NLRP14: variants seen among roughly 807,000 people sequenced by gnomAD.
The protein encoded by NLRP14 is NLR family pyrin domain containing 14.
In NLRP14, 105 loss-of-function variants were observed where a neutral mutation model predicts 94.7. The observed-to-expected ratio is 1.11, with a 90% CI of 0.95 to 1.30. The LOEUF (loss-of-function observed/expected upper bound fraction) is 1.30. Ranked by LOEUF, NLRP14 falls within the 50% of genes most tolerant of loss-of-function variation. The probability of loss-of-function intolerance (pLI) is 0.00; values close to 1 mark genes in which losing one functional copy is unlikely to be tolerated. For synonymous variants in NLRP14, 508 were observed against 459.9 expected (o/e 1.10, Z -1.34); for missense variants, 1,362 against 1,254.1 (o/e 1.09, Z -1.30).
the NLRP14 span, chr11:7,090,519 C>T: frequency 1.6e-6 from 1 of 630,820 alleles, no homozygotes; most frequent in South Asian, 2.0e-5. Context: ...TCAACAAGCT[C>T]CTGTTAAAAG....
At chr11:7,054,309 T>G (rs551806099) in intron 6 of NLRP14, among the ~76,000 whole-genome samples, 1 of 152,300 alleles carries the variant, frequency 6.6e-6, no homozygotes, top group East Asian at 1.9e-4. Flanking sequence ...TTTCTTTCTT[T>G]TGGGTATATA....
At chr11:7,025,575 C>T (rs1259180287) in intron 1 of NLRP14, among the ~76,000 whole-genome samples, 1 of 152,124 alleles carries the variant, frequency 6.6e-6, no homozygotes, top group Non-Finnish European at 1.5e-5. Context: ...TGTGAATGGA[C>T]TGAATTTTTC....
At chr11:7,089,025 C>G in the NLRP14 span, 1 of 1,426,254 alleles carries the variant, frequency 7.0e-7, no homozygotes, top group East Asian at 2.5e-5. Context: ...GCCGCCTGAC[C>G]AGTAGGAGCC....
intron 8 of NLRP14, among the ~76,000 whole-genome samples, chr11:7,059,535 G>A (rs547256949): frequency 2.6e-5 from 4 of 151,910 alleles, no homozygotes; most frequent in Admixed American, 1.3e-4. Flanking sequence ...TGAAAATGCC[G>A]CTTCTATTAC....
intron 10 of NLRP14, among the ~76,000 whole-genome samples, chr11:7,064,861 C>G (rs1484097737): frequency 6.6e-6 from 1 of 151,678 alleles, no homozygotes; most frequent in East Asian, 1.9e-4. Flanking sequence ...TTTTTATCCC[C>G]TCTGCTTGGT....
chr11:7,037,063 A>T (rs987452331), intron 1 of NLRP14, among the ~76,000 whole-genome samples: 3 of 152,228 alleles, frequency 2.0e-5, no homozygotes, highest in Admixed American at 1.3e-4. Flanking sequence ...ACATGTAGGG[A>T]TACCTGCAGA....
chr11:7,089,056 A>G, the NLRP14 span: 1 of 1,556,662 alleles, frequency 6.4e-7, no homozygotes, highest in South Asian at 1.2e-5. Context: ...AGCGAGCTCG[A>G]AGGCTGCGAC....
intron 4 of NLRP14, among the ~76,000 whole-genome samples, chr11:7,045,356 TCTC>T (rs1852331296): frequency 2.0e-5 from 3 of 152,190 alleles, no homozygotes; most frequent in African/African-American, 4.8e-5. Flanking sequence ...GATTGCCAGT[TCTC>T]CTGCTAGCTT....
the NLRP14 span, among the ~76,000 whole-genome samples, chr11:7,083,337 A>C: frequency 6.6e-6 from 1 of 152,226 alleles, no homozygotes; most frequent in East Asian, 1.9e-4. Flanking sequence ...TGAGGAAAAT[A>C]TCTCTCTGCC....
chr11:7,075,932 G>C (rs942273470), downstream of NLRP14, among the ~76,000 whole-genome samples: 4 of 152,110 alleles, frequency 2.6e-5, no homozygotes, highest in Non-Finnish European at 4.4e-5. Flanking sequence ...GGTCAAATTT[G>C]AGAGCTCATC....
At chr11:7,077,006 G>T in the NLRP14 span, among the ~76,000 whole-genome samples, 4 of 152,286 alleles carry the variant, frequency 2.6e-5, no homozygotes, top group Non-Finnish European at 1.5e-5. Context: ...GGGAAGCCCC[G>T]CAGACTCCAG....
At chr11:7,040,978 T>C (rs772344167) in intron 3 of NLRP14, among the ~76,000 whole-genome samples, 18 of 152,214 alleles carry the variant, frequency 1.2e-4, no homozygotes, top group Non-Finnish European at 2.4e-4. Flanking sequence ...TTCAAATTAT[T>C]ATTTGAAAAT....
chr11:7,025,632 T>C (rs1852004041), intron 1 of NLRP14, among the ~76,000 whole-genome samples: 1 of 152,176 alleles, frequency 6.6e-6, no homozygotes, highest in African/African-American at 2.4e-5. Context: ...AATCCAACCC[T>C]ATGCTGTTTT....
At chr11:7,090,392 G>A in the NLRP14 span, 2 of 1,415,802 alleles carry the variant, frequency 1.4e-6, no homozygotes, top group South Asian at 2.5e-5. Context: ...ACTAGTACAA[G>A]GAAGAGTTGT....
chr11:7,077,087 A>C, the NLRP14 span, among the ~76,000 whole-genome samples: 1 of 152,156 alleles, frequency 6.6e-6, no homozygotes, highest in Non-Finnish European at 1.5e-5. Flanking sequence ...GAGTCCCGGG[A>C]TTCTATCCCA....
chr11:7,071,426 C>A lies in NLRP14; in HGVS notation c.*118C>A. The A allele has an allele frequency of 1.3e-6, 1 of 774,850 alleles. No individual in the cohort carries two copies. Among genetic ancestry groups the A allele is most frequent in the Admixed American group, 2.1e-5 (1 of 47,764 alleles). The allele number at this position is 774,850 out of a possible 1,614,324, so 48.0% of individuals were successfully genotyped here. A position where few individuals can be genotyped will look rare whatever the true frequency, so the allele number is the denominator to read the frequency against. ...CTATGCCCAGAGATAGTGCACTTGG[C>A]AGCTGTCAGATACCATTCATCTACT... On this transcript the variant is annotated 3_prime_UTR_variant, in exon 12 of 12. Transcript: ENST00000299481.
downstream of NLRP14, among the ~76,000 whole-genome samples, chr11:7,075,577 G>T (rs1052268046): frequency 2.6e-5 from 4 of 152,104 alleles, no homozygotes; most frequent in Non-Finnish European, 5.9e-5. Flanking sequence ...ATGCCTGGTG[G>T]TATAACTGAG....
intron 2 of NLRP14, among the ~76,000 whole-genome samples, chr11:7,039,469 A>G (rs1047651581): frequency 1.3e-5 from 2 of 152,098 alleles, no homozygotes; most frequent in African/African-American, 2.4e-5. Context: ...ACACTACACT[A>G]TTTGCCCTGG....
At chr11:7,062,910 A>G (rs1445381262) in intron 10 of NLRP14, among the ~76,000 whole-genome samples, 1 of 152,098 alleles carries the variant, frequency 6.6e-6, no homozygotes, top group Non-Finnish European at 1.5e-5. Flanking sequence ...TGTTGTGGAC[A>G]TTTCTTACGT....
Sources: allele counts gnomAD v4.1 joint callset (sites outside exome capture counted in the v4.1 genomes callset), GRCh38; gene constraint gnomAD v4.1.1; transcripts MANE v1.5; gene names NCBI Gene and HGNC (gene_info 2026-07-23, HGNC 2026-07-21).